The following NPSR1 variants were observed in gnomAD, a reference collection of about 807,000 sequenced individuals.
The protein encoded by NPSR1 is neuropeptide S receptor.
A neutral mutation model predicts 46.9 loss-of-function variants in NPSR1; 48 were observed. That is an observed-to-expected ratio of 1.02 (90% CI 0.81 to 1.30). NPSR1 has a LOEUF of 1.30. Ranked by LOEUF, NPSR1 falls within the 50% of genes most tolerant of loss-of-function variation. The pLI is 0.00. For synonymous variants in NPSR1, 176 were observed against 168.1 expected (o/e 1.05, Z -0.36); for missense variants, 450 against 449.5 (o/e 1.00, Z -0.01).
At chr7:34,750,461 G>T in intron 2 of NPSR1, 1 of 734,810 alleles carries the variant, frequency 1.4e-6, no homozygotes, top group Non-Finnish European at 2.6e-6. Context: ...ATTGTCTGAG[G>T]CTGCAGAAGC....
chr7:34,736,584 A>G (rs1784675599), intron 2 of NPSR1, among the ~76,000 whole-genome samples: 1 of 151,830 alleles, frequency 6.6e-6, no homozygotes, highest in Admixed American at 6.6e-5. Context: ...TTGCTTACTT[A>G]CTTACTTACT....
At chr7:34,720,455 G>A (rs894241708) in intron 2 of NPSR1, among the ~76,000 whole-genome samples, 7 of 152,072 alleles carry the variant, frequency 4.6e-5, no homozygotes, top group African/African-American at 1.7e-4. Flanking sequence ...AGTCCCATGG[G>A]GAAATATGGG....
intron 3 of NPSR1, among the ~76,000 whole-genome samples, chr7:34,803,971 G>T (rs1304978866): frequency 6.6e-6 from 1 of 151,764 alleles, no homozygotes; most frequent in Non-Finnish European, 1.5e-5. Context: ...ATTTGAATAG[G>T]CCTATACCTA....
chr7:34,871,723 C>G (rs778190250), intron 8 of NPSR1: 1 of 151,960 alleles, frequency 6.6e-6, no homozygotes, highest in Non-Finnish European at 1.5e-5. Flanking sequence ...CCAAGAAGGA[C>G]AGTCATCACG....
intron 1 of NPSR1, among the ~76,000 whole-genome samples, chr7:34,679,937 T>A (rs2531841): frequency 6.6e-6 from 1 of 151,742 alleles, no homozygotes; most frequent in Non-Finnish European, 1.5e-5. Flanking sequence ...ACAAATGAGA[T>A]AAAAAATATC....
chr7:34,835,943 G>T (rs185512432), intron 6 of NPSR1, among the ~76,000 whole-genome samples: 91 of 152,296 alleles, frequency 6.0e-4, no homozygotes, highest in African/African-American at 2.1e-3. Flanking sequence ...TTTCGGAAAA[G>T]CTCTTCAGGC....
intron 3 of NPSR1, among the ~76,000 whole-genome samples, chr7:34,781,796 G>T (rs544509061): frequency 1.4e-4 from 21 of 152,186 alleles, no homozygotes; most frequent in Non-Finnish European, 2.6e-4. Flanking sequence ...ACTACACTGG[G>T]CTCACCCATG....
chr7:34,801,461 C>G (rs1214711535), intron 3 of NPSR1, among the ~76,000 whole-genome samples: 1 of 72,748 alleles, frequency 1.4e-5, no homozygotes, highest in Non-Finnish European at 2.6e-5. Flanking sequence ...GAACCAAAGA[C>G]AAAAACCACA....
intron 5 of NPSR1, among the ~76,000 whole-genome samples, chr7:34,831,442 G>A (rs1790114725): frequency 6.6e-6 from 1 of 151,950 alleles, no homozygotes. Flanking sequence ...ATATGTGAGA[G>A]GAAAGAAGAA....
rs955266396 is a variant in NPSR1, at chr7:34,844,995, C to T, written c.844+13C>T. On this transcript the variant is annotated intron_variant, in intron 7 of 8. Coordinates refer to ENST00000360581, the MANE Select transcript of NPSR1 (RefSeq NM_207172.2). ...ATCATCATTCTTGGTAAGCAATGTC[C>T]CTCCTTGAGCTGTAAAGTGGTATGA... is the stretch of plus-strand genomic sequence containing the variant. 1.3e-6 allele frequency: 2 copies of T among 1,584,858 alleles called. No homozygotes were observed. Among genetic ancestry groups the T allele is most frequent in the Admixed American group, 1.7e-5 (1 of 59,974 alleles).
At chr7:34,715,961 AAG>A (rs1203037818) in intron 2 of NPSR1, among the ~76,000 whole-genome samples, 4 of 146,262 alleles carry the variant, frequency 2.7e-5, no homozygotes, top group Non-Finnish European at 6.3e-5. Context: ...GGGAAGATAA[AAG>A]TCAGAATGAG....
At chr7:34,779,232 G>A (rs961162995) in intron 3 of NPSR1, among the ~76,000 whole-genome samples, 2 of 151,666 alleles carry the variant, frequency 1.3e-5, no homozygotes, top group Non-Finnish European at 2.9e-5. Context: ...ATACATACTT[G>A]TTAATATGCA....
intron 4 of NPSR1, among the ~76,000 whole-genome samples, chr7:34,825,231 T>C (rs1441058836): frequency 6.6e-6 from 1 of 152,246 alleles, no homozygotes; most frequent in Non-Finnish European, 1.5e-5. Context: ...GCTATCAGTC[T>C]AGACTACCTT....
intron 2 of NPSR1, among the ~76,000 whole-genome samples, chr7:34,767,915 T>G (rs1305506499): frequency 2.0e-5 from 3 of 152,080 alleles, no homozygotes; most frequent in Non-Finnish European, 4.4e-5. Context: ...AAATTACAGC[T>G]AGATAGAACT....
intron 1 of NPSR1, among the ~76,000 whole-genome samples, chr7:34,665,811 T>TAC (rs974633580): frequency 6.6e-6 from 1 of 151,540 alleles, no homozygotes; most frequent in Non-Finnish European, 1.5e-5. Flanking sequence ...CACACACGCA[T>TAC]ACACACACAC....
chr7:34,737,479 T>C (rs1200292985), intron 2 of NPSR1, among the ~76,000 whole-genome samples: 1 of 152,238 alleles, frequency 6.6e-6, no homozygotes, highest in Non-Finnish European at 1.5e-5. Context: ...TCAATTCCTC[T>C]TCTCCCATTC....
intron 8 of NPSR1, among the ~76,000 whole-genome samples, chr7:34,870,170 T>C (rs999678882): frequency 6.6e-6 from 1 of 151,904 alleles, no homozygotes; most frequent in Non-Finnish European, 1.5e-5. Context: ...CCCTCTGAGC[T>C]GCCTCTGTAC....
intron 2 of NPSR1, among the ~76,000 whole-genome samples, chr7:34,721,396 TAAAAGACG>T (rs775436092): frequency 3.2e-4 from 48 of 152,200 alleles, no homozygotes; most frequent in Non-Finnish European, 5.9e-5. Flanking sequence ...CTGAGCTTAA[TAAAAGACG>T]GAGGAGGAGT....
chr7:34,827,386 C>G lies in NPSR1; in HGVS notation c.479-15C>G. 1 of 1,613,564 alleles carries G rather than the reference C, an allele frequency of 6.2e-7. No individual in the cohort carries two copies. Among genetic ancestry groups the G allele is most frequent in the Non-Finnish European group, 8.5e-7 (1 of 1,179,552 alleles). The stretch of plus-strand genomic sequence containing the variant: ...TTGCCACATACCCAGACATTCCTCT[C>G]TTTTCTTTGGGCAGAAAAGCAAGCC... On this transcript the variant is annotated splice_polypyrimidine_tract_variant and intron_variant, in intron 4 of 8. Coordinates refer to ENST00000360581, the MANE Select transcript of NPSR1 (RefSeq NM_207172.2).
Sources: allele counts gnomAD v4.1 joint callset (sites outside exome capture counted in the v4.1 genomes callset), GRCh38; gene constraint gnomAD v4.1.1; transcripts MANE v1.5; gene names NCBI Gene and HGNC (gene_info 2026-07-23, HGNC 2026-07-21).